The following KLHL1 variants were observed in gnomAD, a reference collection of about 807,000 sequenced individuals.
The protein encoded by KLHL1 is kelch-like protein 1.
Under a neutral mutation model 77.7 loss-of-function variants are expected in KLHL1, and 47 were observed. The ratio of observed to expected loss-of-function variants is 0.60; its 90% CI spans 0.48 to 0.77. The LOEUF is 0.77. KLHL1 is among the 30% of genes least tolerant of loss of function. The pLI, the probability that KLHL1 is intolerant of heterozygous loss-of-function variation, is 0.00. For synonymous variants in KLHL1, 360 were observed against 325.2 expected (o/e 1.11, Z -1.15); for missense variants, 925 against 910.8 (o/e 1.02, Z -0.20).
At chr13:70,095,835 C>G (rs984400127) in intron 1 of KLHL1, among the ~76,000 whole-genome samples, 1 of 151,902 alleles carries the variant, frequency 6.6e-6, no homozygotes, top group African/African-American at 2.4e-5. Context: ...CTCCACCCCC[C>G]CCACCACACT....
intron 9 of KLHL1, among the ~76,000 whole-genome samples, chr13:69,710,911 A>G (rs1368673318): frequency 6.6e-6 from 1 of 151,886 alleles, no homozygotes; most frequent in Non-Finnish European, 1.5e-5. Flanking sequence ...TCAGAGTGTG[A>G]GCTCCGTATC....
At chr13:69,914,760 C>A (rs1414437213) in intron 4 of KLHL1, among the ~76,000 whole-genome samples, 3 of 152,060 alleles carry the variant, frequency 2.0e-5, no homozygotes, top group Admixed American at 1.3e-4. Flanking sequence ...TACATGAAAA[C>A]AATCTACAAT....
intron 4 of KLHL1, among the ~76,000 whole-genome samples, chr13:69,913,825 TC>T (rs2138249142): frequency 6.6e-6 from 1 of 152,302 alleles, no homozygotes; most frequent in South Asian, 2.1e-4. Context: ...ATCCTGAGTG[TC>T]AGCTTGATTA....
At chr13:69,904,924 C>T (rs989482010) in intron 4 of KLHL1, among the ~76,000 whole-genome samples, 1 of 152,108 alleles carries the variant, frequency 6.6e-6, no homozygotes, top group African/African-American at 2.4e-5. Flanking sequence ...GCATTTTCTA[C>T]AATAATAATA....
chr13:69,953,339 G>A (rs1042018280), intron 3 of KLHL1, among the ~76,000 whole-genome samples: 1 of 151,094 alleles, frequency 6.6e-6, no homozygotes. Flanking sequence ...TTGTTACTAC[G>A]TCAATGGAAG....
chr13:69,740,811 T>C (rs995882226), intron 7 of KLHL1, among the ~76,000 whole-genome samples: 1 of 152,144 alleles, frequency 6.6e-6, no homozygotes, highest in African/African-American at 2.4e-5. Flanking sequence ...CTACCATTAA[T>C]TGAATCATTC....
At chr13:70,065,339 A>G (rs1886981720) in intron 1 of KLHL1, among the ~76,000 whole-genome samples, 1 of 152,196 alleles carries the variant, frequency 6.6e-6, no homozygotes, top group Non-Finnish European at 1.5e-5. Flanking sequence ...TGACAGTGGC[A>G]TCATAGCCAA....
chr13:69,991,834 A>G (rs1250442869), intron 1 of KLHL1, among the ~76,000 whole-genome samples: 1 of 152,052 alleles, frequency 6.6e-6, no homozygotes, highest in South Asian at 2.1e-4. Flanking sequence ...AGAGATAAAC[A>G]TGATAGGAGA....
At chr13:70,001,851 C>G (rs529944453) in intron 1 of KLHL1, among the ~76,000 whole-genome samples, 8 of 151,472 alleles carry the variant, frequency 5.3e-5, no homozygotes, top group South Asian at 2.1e-4. Flanking sequence ...CTATCAGAAA[C>G]TAGAGAAAGC....
intron 9 of KLHL1, among the ~76,000 whole-genome samples, chr13:69,714,420 T>C (rs1394797772): frequency 1.3e-5 from 2 of 152,090 alleles, no homozygotes; most frequent in African/African-American, 2.4e-5. Context: ...ACATGGATTA[T>C]ACCCAGGAAA....
chr13:69,995,185 C>T (rs568455934), intron 1 of KLHL1, among the ~76,000 whole-genome samples: 1 of 152,086 alleles, frequency 6.6e-6, no homozygotes, highest in East Asian at 1.9e-4. Context: ...AGACCATATA[C>T]CCCACACTCC....
At chr13:69,845,393 T>G (rs1462236042) in intron 5 of KLHL1, among the ~76,000 whole-genome samples, 1 of 151,686 alleles carries the variant, frequency 6.6e-6, no homozygotes, top group Non-Finnish European at 1.5e-5. Flanking sequence ...TCAAATAGAA[T>G]GAAAACTTAC....
rs976775077 is a variant in KLHL1 at position 69,840,698 on chromosome 13, A to ATATATATATG, written c.1228-1537_1228-1536insCATATATATA. ...GAACATTAACTTTATATATATATAT[A>ATATATATATG]TATGTATGTATGTATGTATGTATGT... On this transcript the variant is annotated intron_variant, in intron 5 of 10. Transcript: ENST00000377844. Among the ~76,000 whole-genome samples, 349 of 146,324 alleles carry ATATATATATG rather than the reference A, an allele frequency of 2.4e-3. 2 individuals are homozygous for ATATATATATG. Among genetic ancestry groups the ATATATATATG allele is most frequent in the Middle Eastern group, 3.5e-3 (1 of 288 alleles).
chr13:70,005,107 T>C (rs1355079180), intron 1 of KLHL1, among the ~76,000 whole-genome samples: 1 of 151,848 alleles, frequency 6.6e-6, no homozygotes, highest in African/African-American at 2.4e-5. Flanking sequence ...AAAGATTACT[T>C]ATAAAACAAG....
At chr13:69,739,493 A>G (rs573316348) in intron 8 of KLHL1, among the ~76,000 whole-genome samples, 3 of 152,354 alleles carry the variant, frequency 2.0e-5, no homozygotes, top group Non-Finnish European at 4.4e-5. Context: ...GGTGTGCTGT[A>G]TTCAACAGAC....
chr13:69,701,954 T>TA, intron 10 of KLHL1, among the ~76,000 whole-genome samples, 193 bp from the exon 11 acceptor site: 1 of 151,702 alleles, frequency 6.6e-6, no homozygotes, highest in East Asian at 1.9e-4. Context: ...ATATTGAAAA[T>TA]TTTTAGGCCT....
At chr13:70,023,704 T>C (rs755506726) in intron 1 of KLHL1, among the ~76,000 whole-genome samples, 2 of 151,986 alleles carry the variant, frequency 1.3e-5, no homozygotes, top group Non-Finnish European at 2.9e-5. Flanking sequence ...CAGTGCTTCA[T>C]AGAAAATCTC....
At chr13:69,733,725 A>G (rs1439163952) in intron 8 of KLHL1, among the ~76,000 whole-genome samples, 1 of 152,178 alleles carries the variant, frequency 6.6e-6, no homozygotes, top group East Asian at 1.9e-4. Flanking sequence ...AGCATTCAGA[A>G]TTTAAAAATC....
At chr13:69,928,855 A>G (rs777782391) in intron 4 of KLHL1, among the ~76,000 whole-genome samples, 1 of 152,100 alleles carries the variant, frequency 6.6e-6, no homozygotes, top group Non-Finnish European at 1.5e-5. Flanking sequence ...ACAACTCTGA[A>G]AATACTAAAA....
Sources: gnomAD v4.1 joint callset for allele counts (sites outside exome capture counted in the v4.1 genomes callset) on GRCh38, gnomAD v4.1.1 for gene constraint, MANE v1.5 for transcripts, NCBI Gene and HGNC (gene_info 2026-07-23, HGNC 2026-07-21) for gene names.